Variants in NSMAF observed in about 807,000 individuals in gnomAD.
NSMAF encodes neutral sphingomyelinase activation associated factor.
NSMAF carries 90 observed loss-of-function variants against 134.9 expected under a neutral mutation model. The observed-to-expected ratio is 0.67, with a 90% confidence interval of 0.56 to 0.79. NSMAF has a LOEUF of 0.79. Among genes scored for constraint, NSMAF ranks in the 30% least tolerant of loss-of-function variants. NSMAF has a pLI of 0.00. For missense variants in NSMAF, 1,010 were observed against 1,119.0 expected (o/e 0.90, Z 1.39); for synonymous variants, 358 against 389.6 (o/e 0.92, Z 0.96).
intron 6 of NSMAF, among the ~76,000 whole-genome samples, chr8:58,625,542 C>T (rs977472571): frequency 2.0e-5 from 3 of 151,980 alleles, no homozygotes; most frequent in Non-Finnish European, 4.4e-5. Context: ...ACATAATATC[C>T]TTCGTCTCTT....
chr8:58,599,332 A>G lies in NSMAF; in HGVS notation c.1485T>C (p.Asp495=), dbSNP rs1563526867. 6.2e-7 allele frequency: 1 copy of G among 1,614,098 alleles called. No homozygotes were observed. Among genetic ancestry groups the G allele is most frequent in the South Asian group, 1.1e-5 (1 of 91,072 alleles). Residue 495 remains aspartate (D), a synonymous_variant, in exon 19 of 31, where the codon GAT becomes GAC. Coordinates refer to ENST00000038176, the MANE Select transcript of NSMAF (RefSeq NM_003580.4). ...SPEDFLQKSK[D]ALESNYVSEH... ...CAGACACATAATTGCTTTCCAATGCATCTTTGCTCTTCTGGAGAAAGTCCT... is the reference window on the plus strand; with the variant it reads ...CAGACACATAATTGCTTTCCAATGCGTCTTTGCTCTTCTGGAGAAAGTCCT...
At chr8:58,594,976 G>T (rs1010913556) in intron 22 of NSMAF, 4 of 154,918 alleles carry the variant, frequency 2.6e-5, no homozygotes, top group African/African-American at 9.6e-5. Context: ...TTTCCTCTCT[G>T]TAGCAGGATG....
chr8:58,641,569 A>G (rs1181209665), intron 2 of NSMAF, among the ~76,000 whole-genome samples: 1 of 152,256 alleles, frequency 6.6e-6, no homozygotes, highest in Non-Finnish European at 1.5e-5. Flanking sequence ...ATCACTTCAT[A>G]GCATTACAAA....
chr8:58,659,714 G>A lies in NSMAF; in HGVS notation c.-83C>T. On this transcript the variant is annotated 5_prime_UTR_variant, in exon 1 of 31. Coordinates refer to ENST00000038176, the MANE Select transcript of NSMAF (RefSeq NM_003580.4). ...AGGAGGTCCGGAGGAGCCGGGGAGG[G>A]CGGGATTGGTGGCCGGCTGGGGAGC... is the stretch of plus-strand genomic sequence containing the variant. The A allele has an allele frequency of 8.6e-7, 1 of 1,163,356 alleles. No individual in the cohort carries two copies. 72.1% of individuals were successfully genotyped at this position (1,163,356 alleles called of 1,614,324 possible).
chr8:58,597,314 T>C (rs1315466163), intron 21 of NSMAF, 73 bp downstream of exon 21: 2 of 1,343,246 alleles, frequency 1.5e-6, no homozygotes, highest in Admixed American at 3.6e-5. Flanking sequence ...ACGTCTTATC[T>C]CCTCTTCAGA....
intron 2 of NSMAF, among the ~76,000 whole-genome samples, chr8:58,637,607 A>G (rs1374184955): frequency 1.3e-5 from 2 of 152,350 alleles, no homozygotes; most frequent in South Asian, 2.1e-4. Context: ...TAAGGATTCT[A>G]TCAAAAAAAC....
At chr8:58,604,495 T>C (rs1377940108) in intron 12 of NSMAF, among the ~76,000 whole-genome samples, 1 of 150,184 alleles carries the variant, frequency 6.7e-6, no homozygotes, top group African/African-American at 2.4e-5. Context: ...GCTTAATGTA[T>C]GAATAAAATA....
At position 58,585,796 on chromosome 8, in the gene NSMAF, T is replaced by A; in HGVS notation, c.2550-35A>T. ...TGATTTAGAAATAGTCCTTTCTTCA[T>A]CATGAAGGAAGGATATGTTGAACTG... On this transcript the variant is annotated intron_variant, in intron 29 of 30. Coordinates refer to ENST00000038176, the MANE Select transcript of NSMAF (RefSeq NM_003580.4). The A allele has an allele frequency of 6.9e-6, 11 of 1,600,276 alleles. No individual in the cohort carries two copies. Among genetic ancestry groups the A allele is most frequent in the Non-Finnish European group, 9.4e-6 (11 of 1,167,390 alleles).
chr8:58,635,562 C>T lies in NSMAF; in HGVS notation c.150-16G>A, dbSNP rs776925338. ...TCTGATTTTCCTAGGGATCCAAGTA[C>T]AACAGATTGTTTGATGAGCATAACA... On this transcript the variant is annotated splice_polypyrimidine_tract_variant and intron_variant, in intron 2 of 30. Coordinates refer to ENST00000038176, the MANE Select transcript of NSMAF (RefSeq NM_003580.4). 2 of 1,513,510 alleles carry T rather than the reference C, an allele frequency of 1.3e-6. No individual in the cohort carries two copies. Among genetic ancestry groups the T allele is most frequent in the African/African-American group, 1.4e-5 (1 of 71,560 alleles). 93.8% of individuals were successfully genotyped at this position (1,513,510 alleles called of 1,614,324 possible).
chr8:58,596,189 C>A (rs549055585), intron 21 of NSMAF, among the ~76,000 whole-genome samples: 2 of 152,300 alleles, frequency 1.3e-5, no homozygotes, highest in African/African-American at 4.8e-5. Flanking sequence ...TTTGAAACAG[C>A]ATCACAAGAT....
At chr8:58,594,635 A>T (rs1438285866) in intron 22 of NSMAF, 1 of 283,796 alleles carries the variant, frequency 3.5e-6, no homozygotes, top group Non-Finnish European at 6.6e-6. Context: ...CTTCACAGTC[A>T]CTTCACTTGC....
chr8:58,622,854 A>G (rs1806819194), intron 9 of NSMAF, among the ~76,000 whole-genome samples: 1 of 152,240 alleles, frequency 6.6e-6, no homozygotes, highest in Middle Eastern at 3.4e-3. Context: ...CATATTTTAA[A>G]ACAATGTCAG....
chr8:58,602,650 C>T (rs1052207236), intron 13 of NSMAF, among the ~76,000 whole-genome samples: 1 of 151,910 alleles, frequency 6.6e-6, no homozygotes, highest in Admixed American at 6.6e-5. Flanking sequence ...TAACTGTTCA[C>T]AATATATAAT....
intron 9 of NSMAF, among the ~76,000 whole-genome samples, chr8:58,611,539 G>T (rs1288574084): frequency 6.6e-6 from 1 of 152,038 alleles, no homozygotes; most frequent in Non-Finnish European, 1.5e-5. Context: ...ACAAAAGATG[G>T]ACAACACATG....
intron 2 of NSMAF, chr8:58,637,150 G>A (rs535172504): frequency 7.1e-4 from 224 of 316,416 alleles, no homozygotes; most frequent in Non-Finnish European, 1.1e-3. Context: ...TTACATTGTC[G>A]CATTTTTGGC....
intron 2 of NSMAF, chr8:58,639,963 C>T: frequency 2.5e-6 from 1 of 394,178 alleles, no homozygotes; most frequent in Non-Finnish European, 5.1e-6. Flanking sequence ...AAGAATGGAA[C>T]TTACGAAAAT....
intron 12 of NSMAF, among the ~76,000 whole-genome samples, chr8:58,603,872 C>T (rs1446798008): frequency 6.6e-6 from 1 of 152,056 alleles, no homozygotes; most frequent in African/African-American, 2.4e-5. Flanking sequence ...ATTATTTATG[C>T]ATGTGAAGAC....
chr8:58,601,588 T>C lies in NSMAF; in HGVS notation c.1126-53A>G. 5.2e-6 allele frequency: 8 copies of C among 1,541,768 alleles called. No individual in the cohort carries two copies. In the South Asian group the frequency reaches 1.0e-4, roughly 19 times the overall value. On this transcript the variant is annotated intron_variant, in intron 14 of 30. Coordinates refer to ENST00000038176, the MANE Select transcript of NSMAF (RefSeq NM_003580.4). ...GAGCTAAGTGTTGGCTATGAAATAA[T>C]AACTGACAAGTAGAAAAAGCCTAAA...
chr8:58,608,269 T>C (rs1389149484), intron 10 of NSMAF, among the ~76,000 whole-genome samples: 1 of 152,252 alleles, frequency 6.6e-6, no homozygotes, highest in Non-Finnish European at 1.5e-5. Flanking sequence ...TCCTGTCTTT[T>C]ATCTCATTAA....
Sources: allele counts gnomAD v4.1 joint callset (sites outside exome capture counted in the v4.1 genomes callset), GRCh38; gene constraint gnomAD v4.1.1; transcripts MANE v1.5; gene names NCBI Gene and HGNC (gene_info 2026-07-23, HGNC 2026-07-21).